GATA3: variants seen among roughly 807,000 people sequenced by gnomAD.
GATA3 encodes trans-acting T-cell-specific transcription factor GATA-3.
In GATA3, 6 loss-of-function variants were observed where a neutral mutation model predicts 36.0. That is an observed-to-expected ratio of 0.17 (90% CI 0.09 to 0.33). GATA3 has a LOEUF of 0.33. Ranked by LOEUF, GATA3 falls within the 10% of genes least tolerant of loss-of-function variation. The pLI, the probability that GATA3 is intolerant of heterozygous loss-of-function variation, is 1.00. For synonymous variants in GATA3, 326 were observed against 273.0 expected, an observed-to-expected ratio of 1.19 and a Z score of -1.92; for missense variants, 514 against 610.1, an observed-to-expected ratio of 0.84 and a Z score of 1.66.
At chr10:8,072,020 G>A (rs960227874) in intron 5 of GATA3, among the ~76,000 whole-genome samples, 3 of 152,154 alleles carry the variant, frequency 2.0e-5, no homozygotes, top group Admixed American at 6.5e-5. Flanking sequence ...ATCTCTGTAG[G>A]CTGCATCTTT....
chr10:8,062,070 A>G (rs1832758509), intron 3 of GATA3, among the ~76,000 whole-genome samples: 1 of 152,068 alleles, frequency 6.6e-6, no homozygotes, highest in Non-Finnish European at 1.5e-5. Flanking sequence ...GCAGCCGGTT[A>G]CTCGCCCACT....
At chr10:8,046,040 C>T (rs534577529) in intron 1 of GATA3, among the ~76,000 whole-genome samples, 181 of 152,308 alleles carry the variant, frequency 1.2e-3, no homozygotes, top group African/African-American at 4.1e-3. Flanking sequence ...CTGGCATACC[C>T]CCGGGAAGCT....
At chr10:8,060,234 C>CT (rs1832725293) in intron 3 of GATA3, among the ~76,000 whole-genome samples, 1 of 152,226 alleles carries the variant, frequency 6.6e-6, no homozygotes. Context: ...GAGCCAGGAA[C>CT]TTTAATAGAG....
At chr10:8,069,722 T>A (rs1832901211) in intron 5 of GATA3, 124 bp downstream of exon 5, 2 of 1,180,006 alleles carry the variant, frequency 1.7e-6, no homozygotes, top group South Asian at 2.6e-5. Flanking sequence ...TCCAAATAAT[T>A]GATGCAATAG....
In GATA3 at chr10:8,073,808, A is replaced by G. The variant is rs748371578; in HGVS notation, c.1120A>G (p.Lys374Glu). ...TRNRKMSSKS[K>E]KCKKVHDSLE... ...AAACCGAAAAATGTCTAGCAAATCC[A>G]AAAAGTGCAAAAAAGTGCATGACTC... The change falls in exon 6 of 6, where the codon AAA becomes GAA. Residue 374 changes from lysine to glutamate, a missense_variant. Coordinates refer to ENST00000379328, the MANE Select transcript of GATA3 (RefSeq NM_001002295.2). The G allele has an allele frequency of 6.2e-7, 1 of 1,614,174 alleles. No homozygotes were observed. Among genetic ancestry groups the G allele is most frequent in the Admixed American group, 1.7e-5 (1 of 60,022 alleles).
intron 4 of GATA3, among the ~76,000 whole-genome samples, chr10:8,065,901 C>A (rs1588385708): frequency 9.0e-6 from 1 of 110,706 alleles, no homozygotes; most frequent in African/African-American, 3.5e-5. Context: ...GGTGTTAGTG[C>A]AGAATGAATA....
chr10:8,048,315 C>T (rs1044119777), intron 1 of GATA3, among the ~76,000 whole-genome samples: 3 of 152,186 alleles, frequency 2.0e-5, no homozygotes, highest in East Asian at 1.9e-4. Context: ...GACTGAACAC[C>T]GCGTGCACCC....
At chr10:8,057,056 G>C (rs753319468) in intron 2 of GATA3, among the ~76,000 whole-genome samples, 1 of 152,130 alleles carries the variant, frequency 6.6e-6, no homozygotes, top group African/African-American at 2.4e-5. Flanking sequence ...CGGATGGGGC[G>C]CTCTTTGCCC....
rs186360296 is a variant in GATA3 at position 8,060,820 on chromosome 10, C to T, written c.778+1979C>T. Among the ~76,000 whole-genome samples the T allele has an allele frequency of 2.5e-3, 375 of 152,230 alleles. 1 individual carries two copies. The highest frequency in any genetic ancestry group is 8.7e-3 in the African/African-American group (363 of 41,528). On this transcript the variant is annotated intron_variant, in intron 3 of 5. Coordinates refer to ENST00000379328, the MANE Select transcript of GATA3 (RefSeq NM_001002295.2). ...TTCCCTAAGCCAGAGCTAGGAATACCGATACACCGATTTTGGTTTTTTTGG... is the reference window on the plus strand; with the variant it reads ...TTCCCTAAGCCAGAGCTAGGAATACTGATACACCGATTTTGGTTTTTTTGG...
rs538490026 is a variant in GATA3 at position 8,070,383 on chromosome 10, G to GT, written c.1050+797dup. Among the ~76,000 whole-genome samples the GT allele has an allele frequency of 8.8e-3, 1,278 of 144,594 alleles. 12 individuals carry two copies. Among genetic ancestry groups the GT allele is most frequent in the African/African-American group, 0.025 (978 of 39,676 alleles). 94.9% of individuals were successfully genotyped at this position (144,594 alleles called of 152,430 possible). A position where few individuals can be genotyped will look rare whatever the true frequency, so the allele number is the denominator to read the frequency against. ...TTAATCTTAAAAAATTTTTTTTTCA[G>GT]TTTTTTTTTTTTCCTGAAATCATTC... On this transcript the variant is annotated intron_variant, in intron 5 of 5. Transcript: ENST00000379328.
At position 8,074,026 on chromosome 10, in the gene GATA3, C is replaced by G. The variant is rs757013522; in HGVS notation, c.*3C>G. The G allele has an allele frequency of 6.2e-7, 1 of 1,613,892 alleles. No individual in the cohort carries two copies. The highest frequency in any genetic ancestry group is 8.5e-7 in the Non-Finnish European group (1 of 1,179,870). Reference sequence around the variant, plus strand: ...GCATGGTCACCGCCATGGGTTAGAGCCCTGCTCGATGCTCACAGGGCCCCC... The same window carrying G: ...GCATGGTCACCGCCATGGGTTAGAGGCCTGCTCGATGCTCACAGGGCCCCC... On this transcript the variant is annotated 3_prime_UTR_variant, in exon 6 of 6. Transcript: ENST00000379328.
In GATA3 at chr10:8,074,978, G is replaced by A. The variant is rs936725006; in HGVS notation, c.*955G>A. 3.0e-5 allele frequency: 7 copies of A among 233,340 alleles called. No homozygotes were observed. The highest frequency in any genetic ancestry group is 1.8e-4 in the South Asian group (1 of 5,526). The allele number at this position is 233,340 out of a possible 1,614,324, so 14.5% of individuals were successfully genotyped here. On this transcript the variant is annotated 3_prime_UTR_variant, in exon 6 of 6. Coordinates refer to ENST00000379328, the MANE Select transcript of GATA3 (RefSeq NM_001002295.2). ...ATTAAATAGCTTCTAAGAGTCCGGC[G>A]GCATCTGTCTTGTCCCTATTCCTGC...
intron 3 of GATA3, 79 bp downstream of exon 3, chr10:8,058,920 C>T: frequency 2.9e-6 from 4 of 1,386,026 alleles, no homozygotes; most frequent in Non-Finnish European, 4.0e-6. Flanking sequence ...CCCAGAGGGA[C>T]CCCTCAGGGG....
chr10:8,057,988 G>C (rs1304842739), intron 2 of GATA3, among the ~76,000 whole-genome samples: 2 of 152,172 alleles, frequency 1.3e-5, no homozygotes, highest in East Asian at 3.9e-4. Context: ...TGTATCTGGA[G>C]AGGCCAAATA....
intron 4 of GATA3, among the ~76,000 whole-genome samples, chr10:8,066,006 A>C (rs1832835727): frequency 6.6e-6 from 1 of 151,080 alleles, no homozygotes; most frequent in African/African-American, 2.4e-5. Flanking sequence ...GAGGAAAAAA[A>C]AACAACAAAC....
chr10:8,062,227 C>T (rs1016345257), intron 3 of GATA3, among the ~76,000 whole-genome samples: 34 of 152,040 alleles, frequency 2.2e-4, no homozygotes, highest in East Asian at 3.9e-4. Flanking sequence ...CTTAGGAAGG[C>T]GCCTTTGGCA....
chr10:8,066,653 T>C (rs1163404462), intron 4 of GATA3, among the ~76,000 whole-genome samples: 2 of 152,202 alleles, frequency 1.3e-5, no homozygotes, highest in Non-Finnish European at 1.5e-5. Flanking sequence ...AAAAAACTAA[T>C]GCAAGAAATA....
chr10:8,049,394 C>A (rs1486276482), upstream of GATA3, among the ~76,000 whole-genome samples: 4 of 152,392 alleles, frequency 2.6e-5, no homozygotes, highest in African/African-American at 9.6e-5. Flanking sequence ...GGATCCTCAA[C>A]CAGTATTGCC....
intron 4 of GATA3, among the ~76,000 whole-genome samples, chr10:8,065,357 A>C (rs1832819457): frequency 6.9e-6 from 1 of 144,614 alleles, no homozygotes; most frequent in Non-Finnish European, 1.5e-5. Context: ...TCCCGGGTTC[A>C]AGCAATTCTC....
Sources: gnomAD v4.1 joint callset for allele counts (sites outside exome capture counted in the v4.1 genomes callset) on GRCh38, gnomAD v4.1.1 for gene constraint, MANE v1.5 for transcripts, NCBI Gene and HGNC (gene_info 2026-07-23, HGNC 2026-07-21) for gene names.